The following ACKR2 variants were observed in gnomAD, a reference collection of about 807,000 sequenced individuals.
The protein encoded by ACKR2 is C-C chemokine receptor D6.
For synonymous variants in ACKR2, 207 were observed against 192.2 expected, an observed-to-expected ratio of 1.08 and a Z score of -0.64; for missense variants, 457 against 477.3, an observed-to-expected ratio of 0.96 and a Z score of 0.40.
chr3:42,821,419 C>T (rs1394518396), intron 2 of ACKR2, among the ~76,000 whole-genome samples: 9 of 151,778 alleles, frequency 5.9e-5, no homozygotes, highest in Non-Finnish European at 8.8e-5. Context: ...CCATTTCCTA[C>T]GTGCACTGCT....
At chr3:42,841,103 A>G (rs1701033337) in intron 2 of ACKR2, among the ~76,000 whole-genome samples, 1 of 152,238 alleles carries the variant, frequency 6.6e-6, no homozygotes, top group Non-Finnish European at 1.5e-5. Context: ...TAAAACACAT[A>G]TGATTATCAA....
Position 42,859,381 on chromosome 3 carries a change from AT to A in ACKR2, c.-37-5070del, listed in dbSNP as rs1209301411. On this transcript the variant is annotated intron_variant, in intron 2 of 2. Coordinates refer to ENST00000422265, the MANE Select transcript of ACKR2 (RefSeq NM_001296.5). ...AGTGGGGGTCCAATATTCAACATTC[AT>A]TTTTTTTTTTTTTTGAGACAGAGTC... Among the ~76,000 whole-genome samples the A allele has an allele frequency of 6.6e-3, 929 of 141,228 alleles. 3 individuals carry two copies. Among genetic ancestry groups the A allele is most frequent in the Non-Finnish European group, 7.5e-3 (481 of 64,094 alleles). 92.7% of individuals were successfully genotyped at this position (141,228 alleles called of 152,430 possible).
chr3:42,831,081 C>T (rs1700927587), intron 2 of ACKR2, among the ~76,000 whole-genome samples: 1 of 152,084 alleles, frequency 6.6e-6, no homozygotes, highest in African/African-American at 2.4e-5. Context: ...CAGAAACTCT[C>T]ATCGTGGCCA....
At chr3:42,843,551 A>G (rs1441213713) in intron 2 of ACKR2, among the ~76,000 whole-genome samples, 2 of 152,152 alleles carry the variant, frequency 1.3e-5, no homozygotes, top group Non-Finnish European at 2.9e-5. Context: ...TTAGATGGAA[A>G]CAGGCCTGGA....
chr3:42,821,932 G>A (rs1419471673), intron 2 of ACKR2, among the ~76,000 whole-genome samples: 1 of 151,904 alleles, frequency 6.6e-6, no homozygotes, highest in South Asian at 2.1e-4. Flanking sequence ...TCCTGACCTC[G>A]TGATCCGCCC....
At chr3:42,842,169 C>T (rs1253766128) in intron 2 of ACKR2, among the ~76,000 whole-genome samples, 2 of 152,132 alleles carry the variant, frequency 1.3e-5, no homozygotes, top group Admixed American at 6.5e-5. Flanking sequence ...ACAAACTGTG[C>T]AGAGACAGGA....
chr3:42,840,758 G>T (rs1701029176), intron 2 of ACKR2, among the ~76,000 whole-genome samples: 1 of 152,174 alleles, frequency 6.6e-6, no homozygotes, highest in African/African-American at 2.4e-5. Context: ...CGCAATCTCG[G>T]CTCATTGCAA....
chr3:42,812,680 C>CTTTTTTTTTTTTTTTTTTTTT (rs71616070), intron 1 of ACKR2, among the ~76,000 whole-genome samples: 2 of 72,758 alleles, frequency 2.7e-5, no homozygotes, highest in African/African-American at 1.1e-4. Flanking sequence ...AATTTTCAGC[C>CTTTTTTTTTTTTTTTTTTTTT]TTTTTTTTTT....
intron 1 of ACKR2, among the ~76,000 whole-genome samples, chr3:42,810,491 A>T (rs1019839710): frequency 1.3e-5 from 2 of 151,450 alleles, no homozygotes; most frequent in Non-Finnish European, 2.9e-5. Flanking sequence ...ACCACGTTTT[A>T]TCAATACCAA....
chr3:42,859,668 G>C (rs557843849), intron 2 of ACKR2, among the ~76,000 whole-genome samples: 1 of 152,006 alleles, frequency 6.6e-6, no homozygotes, highest in Non-Finnish European at 1.5e-5. Flanking sequence ...GACGTGAGCC[G>C]CCGCGCCTGG....
At chr3:42,810,842 A>G (rs1327116872) in intron 1 of ACKR2, among the ~76,000 whole-genome samples, 1 of 152,340 alleles carries the variant, frequency 6.6e-6, no homozygotes, top group East Asian at 1.9e-4. Flanking sequence ...TGTAAGGGTG[A>G]TTCCTAACAC....
At chr3:42,849,223 CG>C (rs1420620717) in intron 2 of ACKR2, among the ~76,000 whole-genome samples, 4 of 152,120 alleles carry the variant, frequency 2.6e-5, no homozygotes, top group African/African-American at 9.7e-5. Flanking sequence ...CCTTAGAGGC[CG>C]GCTGCTGTGG....
chr3:42,818,758 C>T (rs146721980), intron 1 of ACKR2, among the ~76,000 whole-genome samples: 1,535 of 152,212 alleles, frequency 0.01, 27 homozygotes, highest in African/African-American at 0.035. Context: ...GACAAGGTTT[C>T]GCCATGTTGA....
At chr3:42,817,272 T>C (rs757926611) in intron 1 of ACKR2, among the ~76,000 whole-genome samples, 6 of 152,210 alleles carry the variant, frequency 3.9e-5, no homozygotes, top group African/African-American at 7.2e-5. Context: ...AAGTCACTTT[T>C]CTTTTTTAGA....
intron 2 of ACKR2, among the ~76,000 whole-genome samples, chr3:42,845,960 A>G (rs1289461919): frequency 2.0e-5 from 3 of 152,072 alleles, no homozygotes; most frequent in Admixed American, 6.5e-5. Context: ...CTGATTCAGA[A>G]GGGAAAATCC....
At chr3:42,826,124 T>C (rs1700862576) in intron 2 of ACKR2, among the ~76,000 whole-genome samples, 1 of 152,090 alleles carries the variant, frequency 6.6e-6, no homozygotes, top group Admixed American at 6.6e-5. Context: ...GTTATATCTG[T>C]AGTTGGATTT....
intron 1 of ACKR2, among the ~76,000 whole-genome samples, chr3:42,815,510 A>G (rs1700739545): frequency 6.6e-6 from 1 of 152,240 alleles, no homozygotes; most frequent in Non-Finnish European, 1.5e-5. Context: ...ATGGAATAGT[A>G]CTTAAGCTGT....
At chr3:42,856,049 C>T in intron 2 of ACKR2, 1 of 297,060 alleles carries the variant, frequency 3.4e-6, no homozygotes, top group East Asian at 5.8e-5. Flanking sequence ...TCTGCAGCAG[C>T]TCACAGGCTC....
intron 2 of ACKR2, among the ~76,000 whole-genome samples, chr3:42,836,796 T>C (rs372457012): frequency 6.6e-6 from 1 of 152,210 alleles, no homozygotes; most frequent in South Asian, 2.1e-4. Context: ...TGTGTGGAGA[T>C]GCCAGATAAA....
Sources: gnomAD v4.1 joint callset for allele counts (sites outside exome capture counted in the v4.1 genomes callset) on GRCh38, gnomAD v4.1.1 for gene constraint, MANE v1.5 for transcripts, NCBI Gene and HGNC (gene_info 2026-07-23, HGNC 2026-07-21) for gene names.